The following ANO10 variants were observed in gnomAD, a reference collection of about 807,000 sequenced individuals.
ANO10 encodes the protein anoctamin 10.
Under a neutral mutation model 74.7 loss-of-function variants are expected in ANO10, and 77 were observed. The observed-to-expected ratio is 1.03, with a 90% CI of 0.86 to 1.25. The LOEUF is 1.25. Among genes scored for constraint, ANO10 ranks in the 50% most tolerant of loss-of-function variants. ANO10 has a pLI of 0.00. For missense variants in ANO10, 721 were observed against 778.1 expected (o/e 0.93, Z 0.87); for synonymous variants, 279 against 284.9 (o/e 0.98, Z 0.21).
intron 11 of ANO10, among the ~76,000 whole-genome samples, chr3:43,511,641 G>A (rs1168391839): frequency 3.9e-5 from 6 of 152,056 alleles, no homozygotes; most frequent in African/African-American, 1.4e-4. Context: ...CCCACTTTTA[G>A]TTTTAGGATA....
chr3:43,473,057 T>C (rs555528378), intron 11 of ANO10, among the ~76,000 whole-genome samples: 1 of 152,264 alleles, frequency 6.6e-6, no homozygotes, highest in East Asian at 1.9e-4. Context: ...TATTTGAAAA[T>C]TTCAAAGTAA....
At chr3:43,367,677 C>T (rs770958019) in intron 12 of ANO10, among the ~76,000 whole-genome samples, 19 of 152,110 alleles carry the variant, frequency 1.2e-4, no homozygotes, top group Non-Finnish European at 1.3e-4. Flanking sequence ...CAGGCAGCGG[C>T]GTAGGGGACA....
At chr3:43,542,100 G>C (rs1335008485) in intron 11 of ANO10, among the ~76,000 whole-genome samples, 1 of 152,188 alleles carries the variant, frequency 6.6e-6, no homozygotes, top group Non-Finnish European at 1.5e-5. Context: ...AAGATCTGCT[G>C]TAAAAGTTTA....
intron 12 of ANO10, among the ~76,000 whole-genome samples, chr3:43,402,787 A>AGT (rs2092506793): frequency 6.6e-6 from 1 of 152,202 alleles, no homozygotes; most frequent in Admixed American, 6.5e-5. Flanking sequence ...AACATGCCTT[A>AGT]GTGTCCCTAT....
chr3:43,452,235 A>G (rs2074911013), intron 11 of ANO10, among the ~76,000 whole-genome samples: 1 of 152,228 alleles, frequency 6.6e-6, no homozygotes, highest in African/African-American at 2.4e-5. Flanking sequence ...ATATAATTCA[A>G]TACCTTCTAG....
chr3:43,409,027 C>CA (rs971094971), intron 12 of ANO10, among the ~76,000 whole-genome samples: 19 of 151,052 alleles, frequency 1.3e-4, no homozygotes, highest in Admixed American at 3.3e-4. Context: ...AACCCTGTCT[C>CA]AAAAAAAAGA....
At chr3:43,554,576 G>T (rs943527908) in intron 10 of ANO10, among the ~76,000 whole-genome samples, 1 of 152,110 alleles carries the variant, frequency 6.6e-6, no homozygotes, top group African/African-American at 2.4e-5. Context: ...TGTTTTAGTT[G>T]ATTTCTCTGA....
In ANO10 at chr3:43,565,842, C is replaced by G. The variant is rs534342097; in HGVS notation, c.1219-115G>C. ...GGGAGCGGGGAGGAGCCAAGAGGGC[C>G]GAATAGGAACAGCTCCAGTCTACAG... On this transcript the variant is annotated intron_variant, in intron 7 of 12. Transcript: ENST00000292246. 8.4e-6 allele frequency: 9 copies of G among 1,069,118 alleles called. No individual in the cohort carries two copies. In the South Asian group the frequency reaches 8.6e-5, roughly 10 times the overall value. The allele number at this position is 1,069,118 out of a possible 1,614,324, so 66.2% of individuals were successfully genotyped here.
chr3:43,673,394 G>A (rs775964791), intron 1 of ANO10, among the ~76,000 whole-genome samples: 57 of 152,196 alleles, frequency 3.7e-4, no homozygotes, highest in Non-Finnish European at 7.8e-4. Flanking sequence ...CAACATTAAT[G>A]TCAGAGGAAA....
chr3:43,477,990 C>A (rs2076134524), intron 11 of ANO10, among the ~76,000 whole-genome samples: 1 of 152,142 alleles, frequency 6.6e-6, no homozygotes, highest in East Asian at 1.9e-4. Flanking sequence ...TTTTTCAGTT[C>A]ACACTTTACC....
intron 11 of ANO10, among the ~76,000 whole-genome samples, chr3:43,442,014 G>C (rs1052580661): frequency 2.6e-5 from 4 of 152,092 alleles, no homozygotes; most frequent in South Asian, 4.2e-4. Flanking sequence ...CATACTAAAG[G>C]TTATATATGA....
At chr3:43,568,045 TA>T (rs1311264360) in intron 7 of ANO10, among the ~76,000 whole-genome samples, 2 of 151,812 alleles carry the variant, frequency 1.3e-5, no homozygotes, top group African/African-American at 4.8e-5. Context: ...TAGTCTCTGA[TA>T]AAACAGACTT....
intron 11 of ANO10, among the ~76,000 whole-genome samples, chr3:43,487,812 C>T (rs1227717695): frequency 6.6e-6 from 1 of 151,860 alleles, no homozygotes; most frequent in Admixed American, 6.6e-5. Context: ...TCTCTATTTC[C>T]TTCAGTTCAA....
At chr3:43,660,566 G>A (rs936175157) in intron 1 of ANO10, among the ~76,000 whole-genome samples, 2 of 152,064 alleles carry the variant, frequency 1.3e-5, no homozygotes, top group East Asian at 1.9e-4. Context: ...GAAAAGAAAC[G>A]AACAAAGCTT....
At chr3:43,588,199 A>C (rs1455539100) in intron 4 of ANO10, among the ~76,000 whole-genome samples, 1 of 152,212 alleles carries the variant, frequency 6.6e-6, no homozygotes, top group East Asian at 1.9e-4. Context: ...AGCATGCCTT[A>C]CAAGCTATTT....
At chr3:43,619,617 T>C (rs1381082409) in intron 1 of ANO10, among the ~76,000 whole-genome samples, 3 of 151,304 alleles carry the variant, frequency 2.0e-5, no homozygotes, top group African/African-American at 7.3e-5. Context: ...TGGGAGTCCA[T>C]GGGGGGTGGA....
chr3:43,659,184 G>C (rs1372883671), intron 1 of ANO10, among the ~76,000 whole-genome samples: 2 of 152,166 alleles, frequency 1.3e-5, no homozygotes, highest in African/African-American at 4.8e-5. Context: ...GAGGTACCTG[G>C]TTCATCTCAC....
chr3:43,556,674 T>C (rs1432566221), intron 9 of ANO10, among the ~76,000 whole-genome samples: 1 of 152,194 alleles, frequency 6.6e-6, no homozygotes, highest in African/African-American at 2.4e-5. Context: ...CAATCTACCC[T>C]ATTCTCTCTT....
chr3:43,659,758 G>A (rs895671832), intron 1 of ANO10, among the ~76,000 whole-genome samples: 14 of 152,162 alleles, frequency 9.2e-5, no homozygotes, highest in South Asian at 4.1e-4. Flanking sequence ...CTCCAGTAAC[G>A]GACTAAACTG....
Sources: gnomAD v4.1 joint callset for allele counts (sites outside exome capture counted in the v4.1 genomes callset) on GRCh38, gnomAD v4.1.1 for gene constraint, MANE v1.5 for transcripts, NCBI Gene and HGNC (gene_info 2026-07-23, HGNC 2026-07-21) for gene names.